Variants in CACNA2D3 observed in about 807,000 individuals in gnomAD.
CACNA2D3 encodes voltage-dependent calcium channel subunit alpha-2/delta-3.
A neutral mutation model predicts 160.6 loss-of-function variants in CACNA2D3; 60 were observed. The observed-to-expected ratio is 0.37, with a 90% CI of 0.30 to 0.46. CACNA2D3 has a LOEUF of 0.46. Ranked by LOEUF, CACNA2D3 falls within the 20% of genes least tolerant of loss-of-function variation. CACNA2D3 has a pLI of 1.00. For synonymous variants in CACNA2D3, 558 were observed against 492.9 expected (o/e 1.13, Z -1.75); for missense variants, 1,205 against 1,365.0 (o/e 0.88, Z 1.85).
chr3:54,805,247 A>T (rs1452663613), intron 13 of CACNA2D3, among the ~76,000 whole-genome samples: 1 of 152,236 alleles, frequency 6.6e-6, no homozygotes, highest in Admixed American at 6.5e-5. Flanking sequence ...CCTTCAAAAA[A>T]TTAATGAATC....
intron 5 of CACNA2D3, among the ~76,000 whole-genome samples, chr3:54,541,617 C>T (rs896315951): frequency 2.6e-5 from 4 of 152,174 alleles, no homozygotes; most frequent in African/African-American, 9.7e-5. Context: ...AGACATGCTA[C>T]AAAATAACTA....
At chr3:54,638,728 C>T (rs1172468735) in intron 10 of CACNA2D3, 1 of 151,872 alleles carries the variant, frequency 6.6e-6, no homozygotes, top group Non-Finnish European at 1.5e-5. Context: ...CACCTCACAC[C>T]ATTTGCCCAT....
chr3:54,715,565 A>G (rs1477656025), intron 11 of CACNA2D3, among the ~76,000 whole-genome samples: 1 of 151,888 alleles, frequency 6.6e-6, no homozygotes, highest in Non-Finnish European at 1.5e-5. Context: ...CTCTAATCAG[A>G]TGGTTGGTTC....
intron 2 of CACNA2D3, among the ~76,000 whole-genome samples, chr3:54,168,135 G>C (rs1700493769): frequency 6.6e-6 from 1 of 152,094 alleles, no homozygotes; most frequent in African/African-American, 2.4e-5. Context: ...GCTCAGGGCT[G>C]TTCTATTTGA....
intron 4 of CACNA2D3, among the ~76,000 whole-genome samples, chr3:54,464,481 A>G (rs1002634520): frequency 3.3e-5 from 5 of 152,238 alleles, no homozygotes; most frequent in East Asian, 1.9e-4. Flanking sequence ...GGCAATGGCG[A>G]GCGCCCCTCC....
At chr3:54,499,264 T>C (rs1464846780) in intron 4 of CACNA2D3, among the ~76,000 whole-genome samples, 2 of 152,128 alleles carry the variant, frequency 1.3e-5, no homozygotes, top group African/African-American at 4.8e-5. Flanking sequence ...TCTTGGAAGG[T>C]TGCACCTGGA....
chr3:54,689,930 A>C (rs1050516231), intron 11 of CACNA2D3, among the ~76,000 whole-genome samples: 1 of 152,250 alleles, frequency 6.6e-6, no homozygotes, highest in South Asian at 2.1e-4. Flanking sequence ...AGTAGAAGCT[A>C]GTTCCTTAGA....
chr3:54,609,718 A>T (rs915095154), intron 9 of CACNA2D3, among the ~76,000 whole-genome samples: 3 of 152,228 alleles, frequency 2.0e-5, no homozygotes, highest in African/African-American at 7.2e-5. Context: ...CAGAGCTTTT[A>T]AAATGCTTGT....
At chr3:54,656,960 A>G (rs1195778931) in intron 11 of CACNA2D3, among the ~76,000 whole-genome samples, 2 of 152,156 alleles carry the variant, frequency 1.3e-5, no homozygotes, top group Non-Finnish European at 2.9e-5. Context: ...ATGGCTGTTT[A>G]TTTCACCTGG....
At chr3:54,768,561 A>G (rs1049458868) in intron 13 of CACNA2D3, among the ~76,000 whole-genome samples, 3 of 152,204 alleles carry the variant, frequency 2.0e-5, no homozygotes, top group Non-Finnish European at 4.4e-5. Flanking sequence ...GCCAAAATAT[A>G]TGGTCTGGGG....
At chr3:54,278,105 G>A (rs993110254) in intron 2 of CACNA2D3, among the ~76,000 whole-genome samples, 1 of 152,072 alleles carries the variant, frequency 6.6e-6, no homozygotes, top group Non-Finnish European at 1.5e-5. Context: ...CTGACAAAGG[G>A]CTAATATCTA....
chr3:54,988,197 T>C (rs1193855249), intron 31 of CACNA2D3, among the ~76,000 whole-genome samples: 1 of 152,152 alleles, frequency 6.6e-6, no homozygotes, highest in Non-Finnish European at 1.5e-5. Flanking sequence ...TTTTAGAAAA[T>C]CAAGTGAAAA....
chr3:54,544,221 G>A (rs1339327663), intron 5 of CACNA2D3, among the ~76,000 whole-genome samples: 1 of 152,060 alleles, frequency 6.6e-6, no homozygotes, highest in African/African-American at 2.4e-5. Flanking sequence ...AGTGAATATT[G>A]AATAACTTAA....
chr3:54,577,778 GC>G (rs1702610308), intron 8 of CACNA2D3, among the ~76,000 whole-genome samples: 1 of 152,266 alleles, frequency 6.6e-6, no homozygotes, highest in East Asian at 1.9e-4. Context: ...CAACACAAAA[GC>G]TGAGGCCAAG....
intron 4 of CACNA2D3, among the ~76,000 whole-genome samples, chr3:54,413,165 T>C (rs965997776): frequency 4.6e-5 from 7 of 151,708 alleles, no homozygotes; most frequent in Admixed American, 2.0e-4. Context: ...GAAATAGAAT[T>C]GTGAATTGAC....
rs576194740 is a variant in CACNA2D3, at chr3:54,472,177, T to C, written c.382-31315T>C. Among the ~76,000 whole-genome samples, 14 of 152,210 alleles carry C rather than the reference T, an allele frequency of 9.2e-5. No homozygotes were observed. The South Asian group carries it at 2.9e-3, about 32-fold the overall frequency. On this transcript the variant is annotated intron_variant, in intron 4 of 37. Transcript: ENST00000474759. ...AATACTGGCAAACCAAATCCAGCAG[T>C]ACATCAAAAAGCTTGTCCAACACGA...
chr3:54,411,605 TAGAC>T (rs1699669252), intron 4 of CACNA2D3, among the ~76,000 whole-genome samples: 1 of 152,194 alleles, frequency 6.6e-6, no homozygotes, highest in African/African-American at 2.4e-5. Flanking sequence ...GCACACTTAA[TAGAC>T]TGTGGTATAG....
At chr3:54,137,049 T>C (rs778648513) in intron 2 of CACNA2D3, among the ~76,000 whole-genome samples, 1 of 152,234 alleles carries the variant, frequency 6.6e-6, no homozygotes, top group Non-Finnish European at 1.5e-5. Context: ...TGTGCACATC[T>C]TCCCTCTGTG....
At chr3:54,997,719 C>T (rs1275158225) in intron 31 of CACNA2D3, among the ~76,000 whole-genome samples, 1 of 152,176 alleles carries the variant, frequency 6.6e-6, no homozygotes, top group African/African-American at 2.4e-5. Context: ...AATACCCCAT[C>T]TCAAAAGAGA....
Sources: gnomAD v4.1 joint callset for allele counts (sites outside exome capture counted in the v4.1 genomes callset) on GRCh38, gnomAD v4.1.1 for gene constraint, MANE v1.5 for transcripts, NCBI Gene and HGNC (gene_info 2026-07-23, HGNC 2026-07-21) for gene names.